KSR2: variants seen among roughly 807,000 people sequenced by gnomAD.
KSR2 encodes the protein kinase suppressor of ras 2.
A neutral mutation model predicts 107.8 loss-of-function variants in KSR2; 25 were observed. That is an observed-to-expected ratio of 0.23 (90% CI 0.17 to 0.32). The LOEUF (loss-of-function observed/expected upper bound fraction) is 0.32, where lower values mean the gene tolerates loss of function less well. Among genes scored for constraint, KSR2 ranks in the 10% least tolerant of loss-of-function variants. The pLI is 1.00. For synonymous variants in KSR2, 480 were observed against 507.0 expected (o/e 0.95, Z 0.71); for missense variants, 887 against 1,268.9 (o/e 0.70, Z 4.57).
chr12:117,560,072 A>G (rs1025696546), intron 7 of KSR2, among the ~76,000 whole-genome samples: 1 of 152,194 alleles, frequency 6.6e-6, no homozygotes, highest in Non-Finnish European at 1.5e-5. Flanking sequence ...ATGCAGGCAC[A>G]GACTCAACAT....
In KSR2 at chr12:117,674,318, C is replaced by T. The variant is rs747729118; in HGVS notation, c.987-6660G>A. 4.3e-5 allele frequency: 22 copies of T among 506,300 alleles called. No homozygotes were observed. The East Asian group carries it at 1.2e-3, about 27-fold the overall frequency. 31.4% of individuals were successfully genotyped at this position (506,300 alleles called of 1,614,324 possible). ...GCTGCCTCCTCGCTGGAATCGCAGACTCACTTGCATTTGGTTCCATTTTTG... is the reference window on the plus strand; with the variant it reads ...GCTGCCTCCTCGCTGGAATCGCAGATTCACTTGCATTTGGTTCCATTTTTG... On this transcript the variant is annotated intron_variant, in intron 4 of 19. Coordinates refer to ENST00000339824, the MANE Select transcript of KSR2 (RefSeq NM_173598.6).
intron 5 of KSR2, among the ~76,000 whole-genome samples, chr12:117,644,536 C>G (rs1883529352): frequency 6.6e-6 from 1 of 152,130 alleles, no homozygotes. Flanking sequence ...GCTCTGATGT[C>G]ATTGGACCAG....
chr12:117,886,347 C>T (rs558582247), intron 1 of KSR2, among the ~76,000 whole-genome samples: 4 of 151,664 alleles, frequency 2.6e-5, no homozygotes, highest in Non-Finnish European at 4.4e-5. Context: ...CATAGACATA[C>T]AGTCATGCAC....
intron 3 of KSR2, among the ~76,000 whole-genome samples, chr12:117,840,632 G>C (rs1892429698): frequency 6.6e-6 from 1 of 151,850 alleles, no homozygotes; most frequent in East Asian, 2.0e-4. Flanking sequence ...CTGACCTCCA[G>C]TGATCCATCT....
At chr12:117,916,883 A>G (rs945559114) in intron 1 of KSR2, among the ~76,000 whole-genome samples, 1 of 152,244 alleles carries the variant, frequency 6.6e-6, no homozygotes, top group Non-Finnish European at 1.5e-5. Flanking sequence ...AATAGATCGT[A>G]TTTAATGTTT....
At chr12:117,782,775 C>A (rs973875036) in intron 3 of KSR2, among the ~76,000 whole-genome samples, 3 of 152,110 alleles carry the variant, frequency 2.0e-5, no homozygotes, top group Non-Finnish European at 4.4e-5. Flanking sequence ...CAGAGTTCCT[C>A]TTATTTCTCG....
At chr12:117,575,627 A>T (rs1879236234) in intron 7 of KSR2, among the ~76,000 whole-genome samples, 1 of 152,230 alleles carries the variant, frequency 6.6e-6, no homozygotes, top group Non-Finnish European at 1.5e-5. Context: ...TGATATTAGC[A>T]ATGCATGCTC....
At chr12:117,588,081 C>T (rs922271031) in intron 5 of KSR2, among the ~76,000 whole-genome samples, 4 of 152,130 alleles carry the variant, frequency 2.6e-5, no homozygotes, top group African/African-American at 4.8e-5. Flanking sequence ...CACCCACAGC[C>T]CCTCATAAAA....
In KSR2 at chr12:117,907,874, G is replaced by A. The variant is rs142656194; in HGVS notation, c.181-47443C>T. 6.3e-3 allele frequency among the ~76,000 whole-genome samples: 958 copies of A among 151,320 alleles called. 10 individuals are homozygous for A. Among genetic ancestry groups the A allele is most frequent in the African/African-American group, 0.022 (893 of 41,214 alleles). On this transcript the variant is annotated intron_variant, in intron 1 of 19. Transcript: ENST00000339824. The surrounding 1 kb of genome is among the most constrained non-coding windows in gnomAD (Gnocchi z 4.3). The stretch of plus-strand genomic sequence containing the variant: ...TTGAGAGCTGCCAATTTACTGAAAA[G>A]GTATTCAAAATAATCACACTGCTTG...
chr12:117,723,284 CTTAA>C (rs1565979734), intron 4 of KSR2, among the ~76,000 whole-genome samples: 1 of 150,352 alleles, frequency 6.7e-6, no homozygotes, highest in Non-Finnish European at 1.5e-5. Flanking sequence ...TTCCACGTAT[CTTAA>C]TTAAACTAAA....
At chr12:117,529,318 C>T (rs772016927) in intron 12 of KSR2, among the ~76,000 whole-genome samples, 3 of 152,294 alleles carry the variant, frequency 2.0e-5, no homozygotes, top group Non-Finnish European at 2.9e-5. Flanking sequence ...TGGGTTCAAG[C>T]AATTCTCCTG....
chr12:117,880,649 G>C (rs1361044879), intron 1 of KSR2, among the ~76,000 whole-genome samples: 2 of 151,756 alleles, frequency 1.3e-5, no homozygotes, highest in Admixed American at 6.6e-5. Context: ...AAACCTGCCG[G>C]AGGAAGCCGT....
At position 117,555,248 on chromosome 12, in the gene KSR2, T is replaced by G; in HGVS notation, c.1439A>C (p.Asn480Thr). 1 of 1,613,946 alleles carries G rather than the reference T, an allele frequency of 6.2e-7. No homozygotes were observed. The highest frequency in any genetic ancestry group is 1.7e-5 in the Admixed American group (1 of 60,022). The change falls in exon 9 of 20, where the codon AAC becomes ACC. Residue 480 changes from asparagine (N) to threonine (T), a missense_variant. Physicochemically the swap from Asn to Thr is moderately conservative, Grantham distance 65 (BLOSUM62 0). Around this residue, in one of 8 missense-constraint regions of KSR2, gnomAD observed 60 missense variants for 77.5 expected, o/e 0.77. Transcript: ENST00000339824. The stretch of plus-strand genomic sequence containing the variant: ...GCGAGGTGGCTTCCGTAGAGGGTTG[T>G]TGATGTCACACGGAACGGACTCTGT... The part of the protein sequence containing the change: ...VRTESVPCDI[N>T]NPLRKPPRYS...
In KSR2 at chr12:117,761,222, G is replaced by A. The variant is rs369380016; in HGVS notation, c.775C>T (p.Arg259Cys). The part of the protein sequence containing the change: ...PPSPRQRHAV[R>C]TPPRTPNIVT... ...ATGTTGGGGGTGCGCGGCGGGGTGC[G>A]GACCGCGTGCCGCTGCCGGGGCGAT... is the stretch of plus-strand genomic sequence containing the variant. Residue 259 changes from arginine to cysteine, a missense_variant, in exon 4 of 20, where the codon CGC becomes TGC. By Grantham distance (180) the Arg-to-Cys change is radical. Around this residue, in one of 8 missense-constraint regions of KSR2, gnomAD observed 399 missense variants for 479.5 expected, o/e 0.83. Coordinates refer to ENST00000339824, the MANE Select transcript of KSR2 (RefSeq NM_173598.6). The A allele has an allele frequency of 4.6e-5, 72 of 1,554,002 alleles. No individual in the cohort carries two copies. The highest frequency in any genetic ancestry group is 1.2e-4 in the Admixed American group (6 of 51,570).
At chr12:117,633,466 G>A (rs1157411073) in intron 5 of KSR2, among the ~76,000 whole-genome samples, 1 of 152,192 alleles carries the variant, frequency 6.6e-6, no homozygotes. Context: ...CACAAACCGT[G>A]TGCCTTAAAA....
chr12:117,543,319 T>C (rs1876634761), intron 9 of KSR2, among the ~76,000 whole-genome samples: 1 of 152,236 alleles, frequency 6.6e-6, no homozygotes, highest in South Asian at 2.1e-4. Context: ...GCCTTTCTAA[T>C]TGGAGTGTAG....
intron 3 of KSR2, among the ~76,000 whole-genome samples, chr12:117,850,559 T>C (rs1312363598): frequency 6.6e-6 from 1 of 152,172 alleles, no homozygotes; most frequent in African/African-American, 2.4e-5. Flanking sequence ...GACTGTGTTC[T>C]TTAAGCCACT....
At chr12:117,765,696 T>C (rs1365660227) in intron 3 of KSR2, among the ~76,000 whole-genome samples, 1 of 152,150 alleles carries the variant, frequency 6.6e-6, no homozygotes, top group African/African-American at 2.4e-5. Context: ...TATGTAGTGA[T>C]AGTAAGTCTT....
At chr12:117,848,626 A>C (rs1400766080) in intron 3 of KSR2, among the ~76,000 whole-genome samples, 1 of 152,232 alleles carries the variant, frequency 6.6e-6, no homozygotes, top group Non-Finnish European at 1.5e-5. Flanking sequence ...ACAAAGAATG[A>C]GAGTGCTTAA....
Sources: gnomAD v4.1 joint callset for allele counts (sites outside exome capture counted in the v4.1 genomes callset) on GRCh38, gnomAD v4.1.1 for gene constraint, gnomAD v4.1.1 regional missense constraint, Gnocchi (gnomAD v3.1) non-coding constraint, MANE v1.5 for transcripts, NCBI Gene and HGNC (gene_info 2026-07-23, HGNC 2026-07-21) for gene names.